The following LDB2 variants were observed in gnomAD, a reference collection of about 807,000 sequenced individuals.
LDB2 encodes the protein LIM domain binding 2, also known as LIM domain-binding protein 2.
A neutral mutation model predicts 44.3 loss-of-function variants in LDB2; 12 were observed. The observed-to-expected ratio is 0.27, with a 90% CI of 0.17 to 0.44. The LOEUF (loss-of-function observed/expected upper bound fraction) is 0.44, where lower values mean the gene tolerates loss of function less well. Ranked by LOEUF, LDB2 falls within the 20% of genes least tolerant of loss-of-function variation. LDB2 has a pLI of 1.00. For missense variants in LDB2, 344 were observed against 473.5 expected (o/e 0.73, Z 2.54); for synonymous variants, 164 against 174.8 (o/e 0.94, Z 0.49).
chr4:16,684,619 A>C (rs1014199305), intron 2 of LDB2, among the ~76,000 whole-genome samples: 1 of 152,238 alleles, frequency 6.6e-6, no homozygotes, highest in Non-Finnish European at 1.5e-5. Flanking sequence ...CCTTGTTTTT[A>C]ATTTGCTCTC....
At chr4:16,883,832 A>G (rs4698161) in intron 1 of LDB2, among the ~76,000 whole-genome samples, 91,632 of 151,998 alleles carry the variant, frequency 0.6, 28,142 homozygotes, top group East Asian at 0.83. Flanking sequence ...CCCACATTGT[A>G]GACCTCAAGG....
At chr4:16,581,750 A>G (rs1391230491) in intron 5 of LDB2, among the ~76,000 whole-genome samples, 3 of 152,116 alleles carry the variant, frequency 2.0e-5, no homozygotes, top group Non-Finnish European at 2.9e-5. Flanking sequence ...TTGTGCCTGG[A>G]ATCAGATCAT....
chr4:16,739,707 T>TATATAC (rs1762796838), intron 2 of LDB2, among the ~76,000 whole-genome samples: 1 of 100,998 alleles, frequency 9.9e-6, no homozygotes, highest in African/African-American at 3.8e-5. Flanking sequence ...CATATATGTG[T>TATATAC]ATATATGTAT....
intron 1 of LDB2, among the ~76,000 whole-genome samples, chr4:16,865,408 C>T (rs896716558): frequency 2.6e-5 from 4 of 152,110 alleles, no homozygotes; most frequent in Non-Finnish European, 4.4e-5. Context: ...AGCATGGGAA[C>T]GTTCCCTGCG....
In LDB2 at chr4:16,744,435, G is replaced by C. The variant is rs9999646; in HGVS notation, c.235+14723C>G. Among the ~76,000 whole-genome samples, 1,404 of 151,786 alleles carry C rather than the reference G, an allele frequency of 9.2e-3. 19 individuals are homozygous for C. Among genetic ancestry groups the C allele is most frequent in the African/African-American group, 0.028 (1,158 of 41,356 alleles). ...GCCTCCCAAAGTTCTGGGATTACAG[G>C]TGTGAGCCACTGCACCTGGCCAAGT... On this transcript the variant is annotated intron_variant, in intron 2 of 7. Coordinates refer to ENST00000304523, the MANE Select transcript of LDB2 (RefSeq NM_001290.5).
At chr4:16,543,696 A>C (rs927562447) in intron 5 of LDB2, among the ~76,000 whole-genome samples, 2 of 152,260 alleles carry the variant, frequency 1.3e-5, no homozygotes, top group Non-Finnish European at 2.9e-5. Context: ...TTCAGGACAC[A>C]GGCATGGGCA....
chr4:16,531,206 T>C (rs532705398), intron 5 of LDB2, among the ~76,000 whole-genome samples: 1 of 152,324 alleles, frequency 6.6e-6, no homozygotes, highest in African/African-American at 2.4e-5. Context: ...TACAAAACTG[T>C]TATCCCTCTG....
At chr4:16,893,161 C>T in intron 1 of LDB2, 1 of 626,184 alleles carries the variant, frequency 1.6e-6, no homozygotes, top group Non-Finnish European at 2.0e-6. Flanking sequence ...TTTCATTTAA[C>T]ATTTTCAAAA....
chr4:16,744,316 C>G (rs918577911), intron 2 of LDB2, among the ~76,000 whole-genome samples: 3 of 151,532 alleles, frequency 2.0e-5, no homozygotes, highest in African/African-American at 7.3e-5. Context: ...GCCATCATGC[C>G]CAGCTAATTT....
intron 1 of LDB2, among the ~76,000 whole-genome samples, chr4:16,848,897 C>G (rs1181399458): frequency 6.6e-6 from 1 of 152,166 alleles, no homozygotes; most frequent in Non-Finnish European, 1.5e-5. Flanking sequence ...CACACTCTTT[C>G]CAGTAATGCA....
intron 1 of LDB2, among the ~76,000 whole-genome samples, chr4:16,777,752 T>C (rs1311086630): frequency 6.6e-6 from 1 of 152,206 alleles, no homozygotes; most frequent in Non-Finnish European, 1.5e-5. Context: ...CACATCTGCC[T>C]GGGTTTATTG....
At chr4:16,705,009 C>T (rs1444133865) in intron 2 of LDB2, among the ~76,000 whole-genome samples, 1 of 152,182 alleles carries the variant, frequency 6.6e-6, no homozygotes, top group Non-Finnish European at 1.5e-5. Context: ...GAGGAAATTT[C>T]ACCTGCCTTC....
At chr4:16,886,917 C>A (rs564868429) in intron 1 of LDB2, among the ~76,000 whole-genome samples, 112 of 151,232 alleles carry the variant, frequency 7.4e-4, no homozygotes, top group African/African-American at 2.6e-3. Context: ...CCTGTAGTCC[C>A]AGCTACTCGT....
chr4:16,562,440 A>G (rs1195324513), intron 5 of LDB2, among the ~76,000 whole-genome samples: 5 of 152,254 alleles, frequency 3.3e-5, no homozygotes, highest in African/African-American at 9.6e-5. Context: ...GAAGACATTT[A>G]TCCAGCCAAC....
At chr4:16,552,450 T>C (rs535508148) in intron 5 of LDB2, among the ~76,000 whole-genome samples, 26 of 152,328 alleles carry the variant, frequency 1.7e-4, no homozygotes, top group African/African-American at 6.3e-4. Context: ...CCATTGCAAC[T>C]ACCTAGGATT....
chr4:16,895,618 A>AAG (rs1438311678), intron 1 of LDB2, among the ~76,000 whole-genome samples: 1 of 152,044 alleles, frequency 6.6e-6, no homozygotes, highest in Non-Finnish European at 1.5e-5. Flanking sequence ...GTGGGACCAG[A>AAG]AGAGAGAGAG....
intron 2 of LDB2, among the ~76,000 whole-genome samples, chr4:16,649,545 C>T (rs1737702193): frequency 6.6e-6 from 1 of 152,208 alleles, no homozygotes; most frequent in Non-Finnish European, 1.5e-5. Context: ...TTCTCCATTA[C>T]ATATGCATTA....
rs71181181 is a variant in LDB2, at chr4:16,693,347, C to CTTTTTT, written c.235+65805_235+65810dup. 1.7e-3 allele frequency among the ~76,000 whole-genome samples: 188 copies of CTTTTTT among 112,098 alleles called. 2 individuals are homozygous for CTTTTTT. Among genetic ancestry groups the CTTTTTT allele is most frequent in the East Asian group, 0.015 (48 of 3,296 alleles). The allele number at this position is 112,098 out of a possible 152,430, so 73.5% of individuals were successfully genotyped here. ...CTACTTGTTCCCTAGAGCAATAGTT[C>CTTTTTT]TTTTTTTTTTTTTTTTTTTTTTGAG... is the stretch of plus-strand genomic sequence containing the variant. On this transcript the variant is annotated intron_variant, in intron 2 of 7. Transcript: ENST00000304523.
At chr4:16,676,886 G>A (rs1306234923) in intron 2 of LDB2, among the ~76,000 whole-genome samples, 1 of 152,226 alleles carries the variant, frequency 6.6e-6, no homozygotes, top group African/African-American at 2.4e-5. Context: ...GCAAGCATGG[G>A]AGAGTAGGGC....
Sources: gnomAD v4.1 joint callset for allele counts (sites outside exome capture counted in the v4.1 genomes callset) on GRCh38, gnomAD v4.1.1 for gene constraint, MANE v1.5 for transcripts, NCBI Gene and HGNC (gene_info 2026-07-23, HGNC 2026-07-21) for gene names.